Variants in SNRK observed in about 807,000 individuals in gnomAD.
SNRK encodes the protein SNF-related serine/threonine-protein kinase.
Under a neutral mutation model 48.2 loss-of-function variants are expected in SNRK, and 3 were observed. The observed-to-expected ratio is 0.06, with a 90% CI of 0.03 to 0.16. The LOEUF is 0.16. Ranked by LOEUF, SNRK falls within the 10% of genes least tolerant of loss-of-function variation. SNRK has a pLI of 1.00. For synonymous variants in SNRK, 376 were observed against 366.1 expected, an observed-to-expected ratio of 1.03 and a Z score of -0.31; for missense variants, 627 against 976.0, an observed-to-expected ratio of 0.64 and a Z score of 4.76.
At position 43,303,245 on chromosome 3, in the gene SNRK, A is replaced by C. The variant is rs1444494034; in HGVS notation, c.42A>C (p.Gly14=). The stretch of plus-strand genomic sequence containing the variant: ...GAGGGTATGATGGAAAGATTGCTGG[A>C]TTATATGATCTGGATAAAACCTTGG... ...FKRGYDGKIA[G]LYDLDKTLGR... is the part of the protein sequence containing the mutation. Residue 14 remains glycine (G), a synonymous_variant, in exon 3 of 7, where the codon GGA becomes GGC. Transcript: ENST00000296088. The surrounding 1 kb of genome is among the most constrained non-coding windows in gnomAD (Gnocchi z 6.2). 1 of 1,614,164 alleles carries C rather than the reference A, an allele frequency of 6.2e-7. No homozygotes were observed. Among genetic ancestry groups the C allele is most frequent in the Non-Finnish European group, 8.5e-7 (1 of 1,180,024 alleles).
rs1298262936 is a variant in SNRK at position 43,325,241 on chromosome 3, C to CT, written c.590-6927dup. Among the ~76,000 whole-genome samples the CT allele has an allele frequency of 5.9e-5, 9 of 152,356 alleles. No individual in the cohort carries two copies. The South Asian group carries it at 8.3e-4, about 14-fold the overall frequency. ...ACTGCAGTGGCGCTGTCTTGGCTCA[C>CT]TGCAAGCTCTGCCTCCCGGGTTCAC... On this transcript the variant is annotated intron_variant, in intron 3 of 6. Transcript: ENST00000296088.
rs1438170746 is a variant in SNRK at position 43,348,149 on chromosome 3, C to T, written c.1890C>T (p.Ser630=). ...CCACACGCCGCTGTGCCGGCCCCAGCAACTCCATGCAGCTGGCCTCTCGCA... is the reference window on the plus strand; with the variant it reads ...CCACACGCCGCTGTGCCGGCCCCAGTAACTCCATGCAGCTGGCCTCTCGCA... The part of the protein sequence containing the change: ...SGTTRRCAGP[S]NSMQLASRSA... Residue 630 remains serine (S), a synonymous_variant, in exon 7 of 7, where the codon AGC becomes AGT. Coordinates refer to ENST00000296088, the MANE Select transcript of SNRK (RefSeq NM_017719.5). 6.3e-7 allele frequency: 1 copy of T among 1,580,114 alleles called. No homozygotes were observed. Among genetic ancestry groups the T allele is most frequent in the Admixed American group, 1.8e-5 (1 of 55,008 alleles).
intron 6 of SNRK, 44 bp downstream of exon 6, chr3:43,343,522 G>A: frequency 1.9e-6 from 3 of 1,561,710 alleles, no homozygotes; most frequent in South Asian, 2.4e-5. Context: ...TTAACGTTTT[G>A]AAATAGCGAA....
chr3:43,350,865 T>C lies in SNRK; in HGVS notation c.*2308T>C, dbSNP rs543396050. On this transcript the variant is annotated 3_prime_UTR_variant, in exon 7 of 7. Coordinates refer to ENST00000296088, the MANE Select transcript of SNRK (RefSeq NM_017719.5). ...AGTCTTGTATTTTTCTGTATGTGTG[T>C]ATATATATATAATTATGTACTTCTG... 9.9e-6 allele frequency: 1 copy of C among 100,672 alleles called. No homozygotes were observed. The highest frequency in any genetic ancestry group is 2.6e-5 in the African/African-American group (1 of 37,748). The allele number at this position is 100,672 out of a possible 1,614,324, so 6.2% of individuals were successfully genotyped here.
In SNRK at chr3:43,343,598, C is replaced by T; in HGVS notation, c.1079+120C>T. On this transcript the variant is annotated intron_variant, in intron 6 of 6. Coordinates refer to ENST00000296088, the MANE Select transcript of SNRK (RefSeq NM_017719.5). ...AAGAGAGTACAAACAGTGATGACGG[C>T]CTCATTGGAGAGGCCACACACGGGC... 3.5e-6 allele frequency: 4 copies of T among 1,131,772 alleles called. 1 individual carries two copies. Among genetic ancestry groups the T allele is most frequent in the Non-Finnish European group, 5.0e-6 (4 of 803,484 alleles). The allele number at this position is 1,131,772 out of a possible 1,614,324, so 70.1% of individuals were successfully genotyped here.
At chr3:43,328,503 T>C (rs2091112711) in intron 3 of SNRK, among the ~76,000 whole-genome samples, 1 of 152,130 alleles carries the variant, frequency 6.6e-6, no homozygotes, top group Non-Finnish European at 1.5e-5. Flanking sequence ...TCCTGCTAGC[T>C]GGGACTGTAG....
At chr3:43,340,620 T>C (rs2091227924) in intron 5 of SNRK, 121 bp downstream of exon 5, 1 of 860,464 alleles carries the variant, frequency 1.2e-6, no homozygotes, top group Admixed American at 2.7e-5. Context: ...TTGGCAAGAG[T>C]TGTGTCATTT....
rs2091317491 is a variant in SNRK at position 43,350,838 on chromosome 3, A to G, written c.*2281A>G. On this transcript the variant is annotated 3_prime_UTR_variant, in exon 7 of 7. Coordinates refer to ENST00000296088, the MANE Select transcript of SNRK (RefSeq NM_017719.5). ...TGTATAAATTAAATATTGTGGAAAA[A>G]CAGTCTTGTATTTTTCTGTATGTGT... 6.6e-6 allele frequency: 1 copy of G among 151,634 alleles called. No homozygotes were observed. Among genetic ancestry groups the G allele is most frequent in the Non-Finnish European group, 1.5e-5 (1 of 67,632 alleles). 9.4% of individuals were successfully genotyped at this position (151,634 alleles called of 1,614,324 possible).
intron 1 of SNRK, among the ~76,000 whole-genome samples, chr3:43,296,884 A>G (rs1026798582): frequency 6.6e-6 from 1 of 152,218 alleles, no homozygotes; most frequent in Non-Finnish European, 1.5e-5. Flanking sequence ...TTCTCCAGCC[A>G]CACCCACATG....
intron 4 of SNRK, chr3:43,332,854 CAATT>C (rs1233218296): frequency 1.3e-5 from 2 of 152,064 alleles, no homozygotes; most frequent in Non-Finnish European, 2.9e-5. Context: ...AAAGTATACT[CAATT>C]ATTTGGAATT....
Position 43,347,403 on chromosome 3 carries a change from T to A in SNRK, c.1144T>A (p.Leu382Met). Residue 382 changes from leucine (L) to methionine (M), a missense_variant, in exon 7 of 7, where the codon TTG becomes ATG. Around this residue, in one of 4 missense-constraint regions of SNRK, gnomAD observed 175 missense variants for 209.7 expected, o/e 0.83. Coordinates refer to ENST00000296088, the MANE Select transcript of SNRK (RefSeq NM_017719.5). This position sits in a 1 kb window ranked among gnomAD's most constrained non-coding sequence, Gnocchi z 5.4. ...DLEDDLTATP[L>M]SHATVPQSPA... ...TGAGGATGACCTCACGGCCACTCCTTTGTCCCACGCGACTGTCCCTCAGTC... is the reference window on the plus strand; with the variant it reads ...TGAGGATGACCTCACGGCCACTCCTATGTCCCACGCGACTGTCCCTCAGTC... 6.2e-7 allele frequency: 1 copy of A among 1,613,108 alleles called. No individual in the cohort carries two copies. Among genetic ancestry groups the A allele is most frequent in the African/African-American group, 1.3e-5 (1 of 75,026 alleles).
chr3:43,310,358 C>G (rs151249190), intron 3 of SNRK, among the ~76,000 whole-genome samples: 13 of 152,248 alleles, frequency 8.5e-5, no homozygotes, highest in African/African-American at 3.1e-4. Flanking sequence ...GTGTTGGCGT[C>G]CACCTTTAAT....
In SNRK at chr3:43,343,358, A is replaced by G. The variant is rs1444359151; in HGVS notation, c.959A>G (p.Asn320Ser). Reference protein sequence around the residue: ...RDAIVEALETNRYNHITATYF... With the variant: ...RDAIVEALETSRYNHITATYF... ...GTTTTCCTCAGAGCCCTGGAAACCAACAGGTATAACCATATCACAGCCACA... is the reference window on the plus strand; with the variant it reads ...GTTTTCCTCAGAGCCCTGGAAACCAGCAGGTATAACCATATCACAGCCACA... The change falls in exon 6 of 7, where the codon AAC (asparagine) becomes AGC (serine). Residue 320 changes from asparagine (N) to serine (S), a missense_variant. This residue lies in a region of SNRK where 175 missense variants were observed against 209.7 expected (regional missense o/e 0.83). Coordinates refer to ENST00000296088, the MANE Select transcript of SNRK (RefSeq NM_017719.5). 8.1e-6 allele frequency: 13 copies of G among 1,608,338 alleles called. No homozygotes were observed. Among genetic ancestry groups the G allele is most frequent in the Non-Finnish European group, 1.0e-5 (12 of 1,178,152 alleles).
intron 2 of SNRK, among the ~76,000 whole-genome samples, chr3:43,300,297 C>G (rs1263675875): frequency 6.6e-6 from 1 of 152,000 alleles, no homozygotes; most frequent in Non-Finnish European, 1.5e-5. Context: ...TTTAATAGTA[C>G]TTATCTCTAG....
At chr3:43,309,969 A>G (rs1378921812) in intron 3 of SNRK, among the ~76,000 whole-genome samples, 1 of 152,140 alleles carries the variant, frequency 6.6e-6, no homozygotes, top group Non-Finnish European at 1.5e-5. Context: ...TTATAGACAT[A>G]ATGCTGTTGC....
chr3:43,299,233 A>C (rs1175900000), intron 1 of SNRK, among the ~76,000 whole-genome samples: 2 of 152,184 alleles, frequency 1.3e-5, no homozygotes, highest in Non-Finnish European at 2.9e-5. Context: ...GTTGGAGTGC[A>C]ATGGCGCCAT....
At position 43,348,105 on chromosome 3, in the gene SNRK, C is replaced by T. The variant is rs1048625849; in HGVS notation, c.1846C>T (p.Pro616Ser). ...TCCCTCCAGCGGCTCGGGTGGCAACCCCACCAATACATCGGGTACCACACG... is the reference window on the plus strand; with the variant it reads ...TCCCTCCAGCGGCTCGGGTGGCAACTCCACCAATACATCGGGTACCACACG... The part of the protein sequence containing the change: ...GSPSSGSGGN[P>S]TNTSGTTRRC... Residue 616 changes from proline to serine, a missense_variant, in exon 7 of 7, where the codon CCC (proline) becomes TCC (serine). By Grantham distance (74) the Pro-to-Ser change is moderately conservative. Coordinates refer to ENST00000296088, the MANE Select transcript of SNRK (RefSeq NM_017719.5). 1 of 1,587,082 alleles carries T rather than the reference C, an allele frequency of 6.3e-7. No homozygotes were observed. The highest frequency in any genetic ancestry group is 8.6e-7 in the Non-Finnish European group (1 of 1,167,172).
chr3:43,292,946 T>C (rs2090824428), intron 1 of SNRK, among the ~76,000 whole-genome samples: 1 of 152,232 alleles, frequency 6.6e-6, no homozygotes, highest in Non-Finnish European at 1.5e-5. Flanking sequence ...GGTGGTTTGC[T>C]GAACTGTAGG....
Position 43,303,810 on chromosome 3 carries a change from A to G in SNRK, c.589+18A>G. 6.5e-7 allele frequency: 1 copy of G among 1,543,168 alleles called. No homozygotes were observed. The highest frequency in any genetic ancestry group is 8.9e-7 in the Non-Finnish European group (1 of 1,123,666). ...TGCAGTAGGTAGGTAACCTCGGTCC[A>G]GTATTTGGCCATTTGAATTCTGCCA... is the stretch of plus-strand genomic sequence containing the variant. On this transcript the variant is annotated intron_variant, in intron 3 of 6. Coordinates refer to ENST00000296088, the MANE Select transcript of SNRK (RefSeq NM_017719.5). This position sits in a 1 kb window ranked among gnomAD's most constrained non-coding sequence, Gnocchi z 6.2.
Sources: allele counts gnomAD v4.1 joint callset (sites outside exome capture counted in the v4.1 genomes callset), GRCh38; gene constraint gnomAD v4.1.1; regional missense constraint gnomAD v4.1.1; non-coding constraint Gnocchi (gnomAD v3.1); transcripts MANE v1.5; gene names NCBI Gene and HGNC (gene_info 2026-07-23, HGNC 2026-07-21).